Variants in ALDH1L1 observed in about 807,000 individuals in gnomAD.
ALDH1L1 encodes the protein aldehyde dehydrogenase 1 family member L1.
A neutral mutation model predicts 101.1 loss-of-function variants in ALDH1L1; 68 were observed. That is an observed-to-expected ratio of 0.67 (90% CI 0.55 to 0.82). The LOEUF (loss-of-function observed/expected upper bound fraction) is 0.82. Among genes scored for constraint, ALDH1L1 ranks in the 40% least tolerant of loss-of-function variants. The pLI, the probability that ALDH1L1 is intolerant of heterozygous loss-of-function variation, is 0.00. For missense variants in ALDH1L1, 1,087 were observed against 1,172.7 expected, an observed-to-expected ratio of 0.93 and a Z score of 1.07; for synonymous variants, 486 against 470.8, an observed-to-expected ratio of 1.03 and a Z score of -0.42.
Position 126,166,222 on chromosome 3 carries a change from C to T in ALDH1L1, c.-23-5220G>A, listed in dbSNP as rs373520443. ...AACCTCCCCTGCCATTCTCCCTCTC[C>T]GGGAAGTGGCCAGGGTTAAAGGCAT... is the stretch of plus-strand genomic sequence containing the variant. On this transcript the variant is annotated intron_variant, in intron 1 of 22. Coordinates refer to ENST00000393434, the MANE Select transcript of ALDH1L1 (RefSeq NM_012190.4). Among the ~76,000 whole-genome samples, 259 of 152,276 alleles carry T rather than the reference C, an allele frequency of 1.7e-3. 2 individuals are homozygous for T. Among genetic ancestry groups the T allele is most frequent in the Non-Finnish European group, 2.0e-3 (133 of 68,014 alleles).
intron 1 of ALDH1L1, among the ~76,000 whole-genome samples, chr3:126,170,907 TC>T (rs1189674860): frequency 6.6e-6 from 1 of 152,132 alleles, no homozygotes; most frequent in African/African-American, 2.4e-5. Context: ...CTGCCAAACT[TC>T]ACCCTCATAC....
chr3:126,137,995 A>AG (rs1447493221), intron 9 of ALDH1L1, 35 bp from the exon 10 acceptor site: 1 of 1,612,438 alleles, frequency 6.2e-7, no homozygotes, highest in African/African-American at 1.3e-5. Flanking sequence ...GGGACACGGG[A>AG]GGGGCTCAGC....
chr3:126,153,323 C>T (rs1373200732), intron 7 of ALDH1L1, 121 bp downstream of exon 7: 2 of 1,503,364 alleles, frequency 1.3e-6, no homozygotes, highest in East Asian at 4.5e-5. Flanking sequence ...AGTGTTCCTT[C>T]CTGGGTCTGG....
chr3:126,126,109 G>T (rs528250987), intron 14 of ALDH1L1, among the ~76,000 whole-genome samples: 2 of 152,248 alleles, frequency 1.3e-5, no homozygotes, highest in Admixed American at 6.5e-5. Flanking sequence ...GCCTGGAGAG[G>T]GTCCTCCAGA....
chr3:126,195,755 A>G (rs548545504), intron 1 of ALDH1L1, among the ~76,000 whole-genome samples: 1 of 152,382 alleles, frequency 6.6e-6, no homozygotes, highest in African/African-American at 2.4e-5. Flanking sequence ...AATGAGGCAC[A>G]TATACACCAT....
intron 12 of ALDH1L1, among the ~76,000 whole-genome samples, chr3:126,133,790 A>G (rs1216039711): frequency 6.6e-6 from 1 of 152,122 alleles, no homozygotes; most frequent in Non-Finnish European, 1.5e-5. Context: ...GGCCGGCCCT[A>G]CTGACCACCA....
chr3:126,155,715 G>A, intron 4 of ALDH1L1: 1 of 494,012 alleles, frequency 2.0e-6, no homozygotes, highest in East Asian at 3.5e-5. Context: ...CTCTCTACCT[G>A]GCAAAGGTTT....
At chr3:126,174,053 G>T (rs2081330441) in intron 1 of ALDH1L1, among the ~76,000 whole-genome samples, 1 of 151,742 alleles carries the variant, frequency 6.6e-6, no homozygotes, top group African/African-American at 2.4e-5. Context: ...CGTTTTTTTT[G>T]GGGGGGCGGA....
chr3:126,188,960 A>G (rs1162042542), intron 1 of ALDH1L1, among the ~76,000 whole-genome samples: 3 of 152,084 alleles, frequency 2.0e-5, no homozygotes, highest in African/African-American at 7.2e-5. Flanking sequence ...TTTGTGACTG[A>G]GTCTGTACAG....
At chr3:126,116,157 C>T (rs1049418888) in intron 17 of ALDH1L1, among the ~76,000 whole-genome samples, 1 of 151,628 alleles carries the variant, frequency 6.6e-6, no homozygotes, top group Non-Finnish European at 1.5e-5. Flanking sequence ...TGCTGGGATT[C>T]CAGGTGTGAG....
intron 1 of ALDH1L1, among the ~76,000 whole-genome samples, chr3:126,179,373 T>A (rs1257793657): frequency 2.0e-5 from 3 of 152,214 alleles, no homozygotes; most frequent in Non-Finnish European, 4.4e-5. Context: ...CTGGGGCCCA[T>A]GAATGCAGTT....
At chr3:126,187,270 G>A (rs1422538640) in intron 1 of ALDH1L1, among the ~76,000 whole-genome samples, 1 of 152,092 alleles carries the variant, frequency 6.6e-6, no homozygotes, top group Non-Finnish European at 1.5e-5. Context: ...CGGGGGGAAG[G>A]GAAGATGTCC....
intron 19 of ALDH1L1, among the ~76,000 whole-genome samples, chr3:126,110,747 C>A (rs954301071): frequency 2.5e-4 from 38 of 152,126 alleles, no homozygotes; most frequent in African/African-American, 8.5e-4. Context: ...CTCTGACTGT[C>A]CTGTCTCCAC....
In ALDH1L1 at chr3:126,131,542, G is replaced by A; in HGVS notation, c.1473-8C>T. On this transcript the variant is annotated splice_region_variant and splice_polypyrimidine_tract_variant and intron_variant, in intron 12 of 22. Coordinates refer to ENST00000393434, the MANE Select transcript of ALDH1L1 (RefSeq NM_012190.4). ...TCCATGAGATCTGCCAACCTGACCAGGGTGAGGGGAAGCGGGAGGTGGGCT... is the reference window on the plus strand; with the variant it reads ...TCCATGAGATCTGCCAACCTGACCAAGGTGAGGGGAAGCGGGAGGTGGGCT... 1 of 1,598,698 alleles carries A rather than the reference G, an allele frequency of 6.3e-7. No individual in the cohort carries two copies. The highest frequency in any genetic ancestry group is 8.6e-7 in the Non-Finnish European group (1 of 1,167,600).
In ALDH1L1 at chr3:126,103,646, G is replaced by A. The variant is rs1458896944; in HGVS notation, c.*145C>T. ...AAGGGCTGCTTCTGACTGGACAGAG[G>A]GCGTCCAAGATGCAGACATGGTGTG... On this transcript the variant is annotated 3_prime_UTR_variant, in exon 23 of 23. Coordinates refer to ENST00000393434, the MANE Select transcript of ALDH1L1 (RefSeq NM_012190.4). 3.7e-6 allele frequency: 3 copies of A among 805,924 alleles called. No individual in the cohort carries two copies. In the African/African-American group the frequency reaches 5.1e-5, roughly 14 times the overall value. The allele number at this position is 805,924 out of a possible 1,614,324, so 49.9% of individuals were successfully genotyped here.
intron 1 of ALDH1L1, among the ~76,000 whole-genome samples, chr3:126,194,336 G>A (rs1029028400): frequency 6.6e-6 from 1 of 152,126 alleles, no homozygotes; most frequent in African/African-American, 2.4e-5. Flanking sequence ...AAATAATCCT[G>A]TTTACCTCTC....
intron 2 of ALDH1L1, among the ~76,000 whole-genome samples, chr3:126,159,072 C>A (rs2080983032): frequency 6.6e-6 from 1 of 152,236 alleles, no homozygotes; most frequent in African/African-American, 2.4e-5. Flanking sequence ...AACAGGGCAT[C>A]CCCACTCCTT....
At chr3:126,179,541 G>T (rs929206884) in intron 1 of ALDH1L1, among the ~76,000 whole-genome samples, 2 of 151,946 alleles carry the variant, frequency 1.3e-5, no homozygotes, top group Non-Finnish European at 2.9e-5. Context: ...TTCTCCGAGG[G>T]TTTCCTAGGG....
intron 9 of ALDH1L1, among the ~76,000 whole-genome samples, chr3:126,139,531 T>C (rs976259701): frequency 3.9e-5 from 6 of 152,062 alleles, no homozygotes; most frequent in Non-Finnish European, 1.5e-5. Context: ...GAAGAGCCCA[T>C]TCACAGGAAC....
Sources: allele counts gnomAD v4.1 joint callset (sites outside exome capture counted in the v4.1 genomes callset), GRCh38; gene constraint gnomAD v4.1.1; transcripts MANE v1.5; gene names NCBI Gene and HGNC (gene_info 2026-07-23, HGNC 2026-07-21).